The following ARAP2 variants were observed in gnomAD, a reference collection of about 807,000 sequenced individuals.
The protein encoded by ARAP2 is arf-GAP with Rho-GAP domain, ANK repeat and PH domain-containing protein 2.
Under a neutral mutation model 194.5 loss-of-function variants are expected in ARAP2, and 148 were observed. That is an observed-to-expected ratio of 0.76 (90% CI 0.67 to 0.87). The LOEUF is 0.87. Ranked by LOEUF, ARAP2 falls within the 40% of genes least tolerant of loss-of-function variation. The probability of loss-of-function intolerance (pLI) is 0.00; values close to 1 mark genes in which losing one functional copy is unlikely to be tolerated. For synonymous variants in ARAP2, 695 were observed against 683.5 expected (o/e 1.02, Z -0.26); for missense variants, 2,128 against 1,989.7 (o/e 1.07, Z -1.32).
chr4:36,080,906 A>T (rs750946215), intron 30 of ARAP2, among the ~76,000 whole-genome samples: 2 of 152,170 alleles, frequency 1.3e-5, no homozygotes, highest in Non-Finnish European at 2.9e-5. Flanking sequence ...AAAAGCAAAA[A>T]TAAAACTGAG....
chr4:36,022,160 A>G (rs971641631), intron 5 of ARAP2, among the ~76,000 whole-genome samples: 4 of 152,188 alleles, frequency 2.6e-5, no homozygotes, highest in Non-Finnish European at 4.4e-5. Context: ...ACTGAAACAT[A>G]ATTATGTGAT....
At chr4:36,014,058 C>A (rs1715061869) in intron 8 of ARAP2, among the ~76,000 whole-genome samples, 1 of 151,644 alleles carries the variant, frequency 6.6e-6, no homozygotes, top group Non-Finnish European at 1.5e-5. Flanking sequence ...GAAACCCCAT[C>A]TCCACCAAAA....
chr4:36,055,909 G>C lies in ARAP2; in HGVS notation n.321+2061C>G, dbSNP rs148883765. ...GGTAATTTCACACTTTTATTTCAGA[G>C]TGGGCAAGAGTTGGTATTTAGTAAT... On this transcript the variant is annotated intron_variant and non_coding_transcript_variant, in intron 2 of 12. Transcript: ENST00000503225. Among the ~76,000 whole-genome samples the C allele has an allele frequency of 2.6e-4, 40 of 152,268 alleles. No individual in the cohort carries two copies. In the East Asian group the frequency reaches 7.5e-3, roughly 29 times the overall value.
intron 9 of ARAP2, among the ~76,000 whole-genome samples, chr4:36,167,720 A>AT (rs1220980105): frequency 1.3e-5 from 2 of 152,182 alleles, no homozygotes; most frequent in Non-Finnish European, 2.9e-5. Context: ...CTACTTTGGT[A>AT]TAAAAACTGC....
chr4:36,152,844 C>T (rs1731327938), intron 15 of ARAP2, among the ~76,000 whole-genome samples: 1 of 152,000 alleles, frequency 6.6e-6, no homozygotes, highest in African/African-American at 2.4e-5. Flanking sequence ...CCCTATTTGC[C>T]CAGAGAATCA....
intron 6 of ARAP2, among the ~76,000 whole-genome samples, chr4:36,208,177 G>A (rs936681645): frequency 6.6e-6 from 1 of 152,164 alleles, no homozygotes; most frequent in Non-Finnish European, 1.5e-5. Context: ...TTGGTGGCCA[G>A]GGCTTAAATG....
rs567128205 is a variant in ARAP2 at position 36,236,511 on chromosome 4, A to T, written c.-159-6866T>A. On this transcript the variant is annotated intron_variant, in intron 1 of 32. Transcript: ENST00000303965. ...CATACCACTGAAAAATCAGAAACAC[A>T]TCCTTAGCAAAGTTAGAAACTTTGT... Among the ~76,000 whole-genome samples, 11 of 152,326 alleles carry T rather than the reference A, an allele frequency of 7.2e-5. No homozygotes were observed. In the East Asian group the frequency reaches 2.1e-3, roughly 29 times the overall value.
At chr4:36,189,302 T>C (rs953494507) in intron 7 of ARAP2, among the ~76,000 whole-genome samples, 12 of 152,188 alleles carry the variant, frequency 7.9e-5, no homozygotes, top group African/African-American at 2.4e-4. Context: ...ATGGGATACA[T>C]AGTGATGTCA....
At chr4:36,076,955 A>G (rs932514439) in intron 31 of ARAP2, among the ~76,000 whole-genome samples, 2 of 152,162 alleles carry the variant, frequency 1.3e-5, no homozygotes, top group Non-Finnish European at 2.9e-5. Flanking sequence ...GCAATAGCCA[A>G]TTGACACAGG....
chr4:36,197,616 C>T (rs1000341718), intron 6 of ARAP2, among the ~76,000 whole-genome samples: 2 of 152,202 alleles, frequency 1.3e-5, no homozygotes, highest in Admixed American at 6.5e-5. Context: ...GCTCAGCTCA[C>T]GCTACCAGCC....
chr4:36,121,132 A>G (rs768306626), intron 23 of ARAP2, 47 bp downstream of exon 23: 1 of 1,403,892 alleles, frequency 7.1e-7, no homozygotes, highest in Non-Finnish European at 9.6e-7. Context: ...GTTGGCAAAC[A>G]GTGACATTAT....
At chr4:36,030,316 G>A (rs892353069) in intron 5 of ARAP2, among the ~76,000 whole-genome samples, 1 of 151,754 alleles carries the variant, frequency 6.6e-6, no homozygotes, top group Non-Finnish European at 1.5e-5. Context: ...CTTATTTTTT[G>A]TTTTGTATTT....
chr4:36,154,340 T>C (rs1157303755), intron 15 of ARAP2, among the ~76,000 whole-genome samples: 2 of 152,214 alleles, frequency 1.3e-5, no homozygotes, highest in East Asian at 1.9e-4. Context: ...GTTTAAGCTA[T>C]ACAATCTAGG....
chr4:36,150,966 C>T lies in ARAP2; in HGVS notation c.2831G>A (p.Gly944Asp), dbSNP rs138909144. The T allele has an allele frequency of 2.5e-4, 406 of 1,612,820 alleles. 2 individuals carry two copies. In the East Asian group the frequency reaches 8.3e-3, roughly 33 times the overall value. ...YENDKSTTPN[G>D]TININEVICL... ...GATAACTTCATTGATATTAATGGTG[C>T]CATTAGGTGTGGTAGACTTATCATT... Residue 944 changes from glycine to aspartate, a missense_variant, in exon 16 of 33, where the codon GGC becomes GAC. Physicochemically the swap from Gly to Asp is moderately conservative, Grantham distance 94. Transcript: ENST00000303965.
intron 27 of ARAP2, among the ~76,000 whole-genome samples, chr4:36,098,051 C>T (rs370148501): frequency 0.017 from 306 of 17,768 alleles, no homozygotes; most frequent in African/African-American, 0.13. Context: ...AAAGCTCGCA[C>T]CTCCAAAAAA....
rs369708841 is a variant in ARAP2 at position 36,210,579 on chromosome 4, G to C, written c.1298C>G (p.Ser433Cys). 66 of 1,613,770 alleles carry C rather than the reference G, an allele frequency of 4.1e-5. No homozygotes were observed. The highest frequency in any genetic ancestry group is 5.4e-5 in the Non-Finnish European group (64 of 1,179,870). ...CAAGGCTTTTTGAGTCCTAGATTTA[G>C]ATGCCTTTGAATTTTTTCTTCTTAA... ...QSLRRKNSKASKSRTQKALIL... is the reference protein window; with the variant it reads ...QSLRRKNSKACKSRTQKALIL... The change falls in exon 6 of 33, where the codon TCT (serine) becomes TGT (cysteine). Residue 433 changes from serine (S) to cysteine (C), a missense_variant. Coordinates refer to ENST00000303965, the MANE Select transcript of ARAP2 (RefSeq NM_015230.4).
chr4:36,203,538 C>G (rs912932948), intron 6 of ARAP2, among the ~76,000 whole-genome samples: 1 of 152,024 alleles, frequency 6.6e-6, no homozygotes, highest in South Asian at 2.1e-4. Context: ...GAGCCAAGAT[C>G]GTGCCACTGC....
rs150685449 is a variant in ARAP2 at position 36,136,617 on chromosome 4, G to A, written c.3264-3228C>T. Among the ~76,000 whole-genome samples the A allele has an allele frequency of 9.9e-3, 1,507 of 151,736 alleles. 18 individuals carry two copies. Among genetic ancestry groups the A allele is most frequent in the African/African-American group, 0.035 (1,446 of 41,432 alleles). On this transcript the variant is annotated intron_variant, in intron 19 of 32. Coordinates refer to ENST00000303965, the MANE Select transcript of ARAP2 (RefSeq NM_015230.4). ...AAAAGATTTTAAACAAAACTGAAAA[G>A]CAAATGAAATACTCTACAAATATGG... is the stretch of plus-strand genomic sequence containing the variant.
intron 1 of ARAP2, among the ~76,000 whole-genome samples, chr4:36,243,383 CAAAAAAAAA>C (rs71201008): frequency 6.2e-4 from 53 of 85,088 alleles, no homozygotes; most frequent in Middle Eastern, 6.3e-3. Context: ...GACAAGCTTG[CAAAAAAAAA>C]AAAAAAAAAA....
Sources: allele counts gnomAD v4.1 joint callset (sites outside exome capture counted in the v4.1 genomes callset), GRCh38; gene constraint gnomAD v4.1.1; transcripts MANE v1.5; gene names NCBI Gene and HGNC (gene_info 2026-07-23, HGNC 2026-07-21).